The following NPSR1 variants were observed in gnomAD, a reference collection of about 807,000 sequenced individuals.
NPSR1 encodes the protein neuropeptide S receptor 1, also known as neuropeptide S receptor.
A neutral mutation model predicts 46.9 loss-of-function variants in NPSR1; 48 were observed. The ratio of observed to expected loss-of-function variants is 1.02; its 90% CI spans 0.81 to 1.30. The LOEUF is 1.30. NPSR1 is among the 50% of genes most tolerant of loss of function. The probability of loss-of-function intolerance (pLI) is 0.00; values close to 1 mark genes in which losing one functional copy is unlikely to be tolerated. For missense variants in NPSR1, 450 were observed against 449.5 expected (o/e 1.00, Z -0.01); for synonymous variants, 176 against 168.1 (o/e 1.05, Z -0.36).
chr7:34,732,161 ATG>A (rs1455201377), intron 2 of NPSR1, among the ~76,000 whole-genome samples: 1 of 152,022 alleles, frequency 6.6e-6, no homozygotes, highest in Admixed American at 6.6e-5. Flanking sequence ...AAAGTCTATC[ATG>A]TAACAGGGCT....
At chr7:34,681,011 A>C (rs1160570191) in intron 1 of NPSR1, among the ~76,000 whole-genome samples, 11 of 150,510 alleles carry the variant, frequency 7.3e-5, no homozygotes, top group Admixed American at 7.3e-4. Flanking sequence ...AGTAATGTGT[A>C]TGTATATATA....
intron 3 of NPSR1, among the ~76,000 whole-genome samples, chr7:34,792,235 A>T (rs2128744013): frequency 6.6e-6 from 1 of 152,200 alleles, no homozygotes; most frequent in East Asian, 1.9e-4. Flanking sequence ...TAAACTAAAT[A>T]ACTCTGGTGC....
chr7:34,720,809 G>A (rs948480822), intron 2 of NPSR1, among the ~76,000 whole-genome samples: 1 of 152,038 alleles, frequency 6.6e-6, no homozygotes, highest in Non-Finnish European at 1.5e-5. Flanking sequence ...AGAAAGCAGG[G>A]GCAAGAGTAA....
chr7:34,835,509 T>G (rs890937584), intron 6 of NPSR1, among the ~76,000 whole-genome samples: 2 of 152,210 alleles, frequency 1.3e-5, no homozygotes, highest in Non-Finnish European at 2.9e-5. Context: ...CCCTCCTCTT[T>G]TCAGACTGTG....
chr7:34,848,013 T>C (rs1790801136), intron 7 of NPSR1, among the ~76,000 whole-genome samples: 1 of 152,194 alleles, frequency 6.6e-6, no homozygotes, highest in Admixed American at 6.5e-5. Context: ...AACTGGGGTG[T>C]GCTTAGAAAA....
rs1791615528 is a variant in NPSR1 at position 34,877,970 on chromosome 7, A to G, written c.1026-106A>G. On this transcript the variant is annotated intron_variant, in intron 8 of 8. Coordinates refer to the NPSR1 transcript ENST00000359791. The stretch of plus-strand genomic sequence containing the variant: ...GAAGAACCGAGGCGGGAGGTAGACT[A>G]TATCTTATGAGAAATGACCACAGTG... 9.4e-6 allele frequency: 6 copies of G among 640,850 alleles called. No individual in the cohort carries two copies. The Admixed American group carries it at 1.3e-4, about 14-fold the overall frequency. 39.7% of individuals were successfully genotyped at this position (640,850 alleles called of 1,614,324 possible).
Position 34,770,527 on chromosome 7 carries a change from T to C in NPSR1, c.281-7935T>C, listed in dbSNP as rs531363660. On this transcript the variant is annotated intron_variant, in intron 2 of 8. Transcript: ENST00000360581. ...TAACATTGTATGGTGAACTATACCA[T>C]GTGAATGGTCAAGGAAAGCTTCTGG... is the stretch of plus-strand genomic sequence containing the variant. Among the ~76,000 whole-genome samples the C allele has an allele frequency of 4.6e-5, 7 of 152,226 alleles. No homozygotes were observed. The East Asian group carries it at 1.2e-3, about 25-fold the overall frequency.
chr7:34,788,105 A>C (rs2128741610), intron 3 of NPSR1, among the ~76,000 whole-genome samples: 1 of 152,236 alleles, frequency 6.6e-6, no homozygotes, highest in East Asian at 1.9e-4. Flanking sequence ...ACTATATAAA[A>C]AATTTAAATT....
intron 3 of NPSR1, among the ~76,000 whole-genome samples, chr7:34,810,367 T>C (rs914193163): frequency 1.2e-4 from 18 of 152,322 alleles, no homozygotes; most frequent in African/African-American, 4.3e-4. Context: ...GCTCTTCACA[T>C]AAGAGAAATT....
chr7:34,805,361 C>T (rs1788642871), intron 3 of NPSR1, among the ~76,000 whole-genome samples: 1 of 148,718 alleles, frequency 6.7e-6, no homozygotes, highest in Non-Finnish European at 1.5e-5. Context: ...ACAGAGAGCC[C>T]AGAAATAGAC....
chr7:34,714,509 A>G (rs1783465602), intron 2 of NPSR1, among the ~76,000 whole-genome samples: 1 of 152,238 alleles, frequency 6.6e-6, no homozygotes, highest in African/African-American at 2.4e-5. Context: ...GGTGCACTTC[A>G]GAAGTGACCG....
At chr7:34,674,732 G>A (rs111840872) in intron 1 of NPSR1, among the ~76,000 whole-genome samples, 144 of 152,310 alleles carry the variant, frequency 9.5e-4, no homozygotes, top group African/African-American at 3.3e-3. Context: ...GTGACTCCCA[G>A]GACAGCTGAT....
intron 2 of NPSR1, among the ~76,000 whole-genome samples, chr7:34,736,589 CTTACT>C (rs780259771): frequency 5.3e-5 from 8 of 152,030 alleles, no homozygotes; most frequent in Admixed American, 3.3e-4. Context: ...TACTTACTTA[CTTACT>C]TTATTTATCT....
chr7:34,815,640 G>T (rs1310998216), intron 4 of NPSR1, among the ~76,000 whole-genome samples: 2 of 152,076 alleles, frequency 1.3e-5, no homozygotes, highest in Non-Finnish European at 2.9e-5. Context: ...TAAAATGAAG[G>T]AAAAAATGTT....
At chr7:34,729,015 T>G (rs1226005526) in intron 2 of NPSR1, among the ~76,000 whole-genome samples, 1 of 152,200 alleles carries the variant, frequency 6.6e-6, no homozygotes, top group African/African-American at 2.4e-5. Context: ...CTAAGAACAT[T>G]AATACAGGAA....
chr7:34,667,538 T>C lies in NPSR1; in HGVS notation c.147+8979T>C, dbSNP rs138472466. On this transcript the variant is annotated intron_variant, in intron 1 of 8. Transcript: ENST00000360581. ...TCCCCGCCTTTCCACTTACTCAGAT[T>C]CTCCACCTTTCCAGACACTCCATCC... 2.6e-5 allele frequency among the ~76,000 whole-genome samples: 4 copies of C among 152,088 alleles called. No homozygotes were observed. In the East Asian group the frequency reaches 7.7e-4, roughly 29 times the overall value.
intron 2 of NPSR1, among the ~76,000 whole-genome samples, chr7:34,761,486 T>C (rs1330026860): frequency 1.3e-5 from 2 of 152,152 alleles, no homozygotes; most frequent in Non-Finnish European, 2.9e-5. Context: ...GAGCAGCATA[T>C]CTCTATGTCT....
At chr7:34,781,507 G>A (rs1779996635) in intron 3 of NPSR1, among the ~76,000 whole-genome samples, 1 of 152,276 alleles carries the variant, frequency 6.6e-6, no homozygotes, top group African/African-American at 2.4e-5. Context: ...GAAGAAAGGT[G>A]GAAGCTATCA....
intron 8 of NPSR1, among the ~76,000 whole-genome samples, chr7:34,855,625 T>C (rs1401956179): frequency 6.6e-6 from 1 of 152,108 alleles, no homozygotes; most frequent in African/African-American, 2.4e-5. Context: ...ACCAATTTTA[T>C]AGTCTTCAGT....
Sources: gnomAD v4.1 joint callset for allele counts (sites outside exome capture counted in the v4.1 genomes callset) on GRCh38, gnomAD v4.1.1 for gene constraint, MANE v1.5 for transcripts, NCBI Gene and HGNC (gene_info 2026-07-23, HGNC 2026-07-21) for gene names.